CDC42SE2: variants seen among roughly 807,000 people sequenced by gnomAD.
CDC42SE2 encodes the protein CDC42 small effector 2, also known as CDC42 small effector protein 2.
In CDC42SE2, 3 loss-of-function variants were observed where a neutral mutation model predicts 11.5. The ratio of observed to expected loss-of-function variants is 0.26; its 90% CI spans 0.12 to 0.67. CDC42SE2 has a LOEUF of 0.67. Among genes scored for constraint, CDC42SE2 ranks in the 30% least tolerant of loss-of-function variants. The pLI, the probability that CDC42SE2 is intolerant of heterozygous loss-of-function variation, is 0.80. For synonymous variants in CDC42SE2, 33 were observed against 34.8 expected, an observed-to-expected ratio of 0.95 and a Z score of 0.18; for missense variants, 82 against 106.8, an observed-to-expected ratio of 0.77 and a Z score of 1.02.
At chr5:131,269,584 T>C (rs1004978501) in intron 1 of CDC42SE2, among the ~76,000 whole-genome samples, 1 of 150,944 alleles carries the variant, frequency 6.6e-6, no homozygotes, top group African/African-American at 2.4e-5. Context: ...GCCTGGCCTA[T>C]GAAACCTTGT....
chr5:131,371,004 A>G (rs770766614), intron 3 of CDC42SE2, among the ~76,000 whole-genome samples: 8 of 152,214 alleles, frequency 5.3e-5, no homozygotes, highest in Non-Finnish European at 1.2e-4. Context: ...TAGTAGGGTG[A>G]GACTAGGTAG....
At chr5:131,235,605 G>GT in the CDC42SE2 span, among the ~76,000 whole-genome samples, 67 of 142,816 alleles carry the variant, frequency 4.7e-4, no homozygotes, top group African/African-American at 1.6e-3. Flanking sequence ...GTTTGTTTTT[G>GT]TTTTTTTTAG....
At chr5:131,339,836 T>A (rs1337993850) in intron 2 of CDC42SE2, among the ~76,000 whole-genome samples, 1 of 150,968 alleles carries the variant, frequency 6.6e-6, no homozygotes, top group Admixed American at 6.6e-5. Flanking sequence ...GAGAGAAAAT[T>A]ATGATCATTG....
chr5:131,382,683 C>T (rs553179705), intron 3 of CDC42SE2, among the ~76,000 whole-genome samples: 3 of 152,158 alleles, frequency 2.0e-5, no homozygotes, highest in South Asian at 2.1e-4. Context: ...TTACTGCAAA[C>T]GCCTGGGGAA....
At chr5:131,384,025 T>A (rs1443950344) in intron 3 of CDC42SE2, among the ~76,000 whole-genome samples, 2 of 152,206 alleles carry the variant, frequency 1.3e-5, no homozygotes, top group Non-Finnish European at 2.9e-5. Context: ...GGAGCAATTA[T>A]CAAGGAACTA....
intron 1 of CDC42SE2, among the ~76,000 whole-genome samples, chr5:131,283,476 G>A (rs1215986885): frequency 6.6e-6 from 1 of 151,772 alleles, no homozygotes; most frequent in African/African-American, 2.4e-5. Context: ...TATTCATATA[G>A]CATGTATCAG....
At chr5:131,322,247 A>G (rs1042574142) in intron 2 of CDC42SE2, among the ~76,000 whole-genome samples, 1 of 152,178 alleles carries the variant, frequency 6.6e-6, no homozygotes, top group Non-Finnish European at 1.5e-5. Flanking sequence ...GTATGTTCAC[A>G]TTGCTGTGCA....
At chr5:131,309,373 T>A (rs1757849646) in intron 1 of CDC42SE2, among the ~76,000 whole-genome samples, 1 of 152,172 alleles carries the variant, frequency 6.6e-6, no homozygotes, top group Non-Finnish European at 1.5e-5. Flanking sequence ...GATTTTTGCA[T>A]CAATATTCAT....
At chr5:131,302,873 A>G (rs1757712333) in intron 1 of CDC42SE2, among the ~76,000 whole-genome samples, 2 of 151,490 alleles carry the variant, frequency 1.3e-5, no homozygotes, top group African/African-American at 4.9e-5. Flanking sequence ...GCAATTAGAA[A>G]TAGCTTCTTT....
At chr5:131,320,076 A>AAAAAAAAAAAAAAAAAAAAAAAAAAAC in intron 2 of CDC42SE2, among the ~76,000 whole-genome samples, 1 of 147,962 alleles carries the variant, frequency 6.8e-6, no homozygotes. Context: ...AAAAAAAAAA[A>AAAAAAAAAAAAAAAAAAAAAAAAAAAC]AAAAAGAACA....
At chr5:131,229,037 T>C in the CDC42SE2 span, among the ~76,000 whole-genome samples, 1 of 152,206 alleles carries the variant, frequency 6.6e-6, no homozygotes, top group Non-Finnish European at 1.5e-5. Flanking sequence ...CTTTCAGAAG[T>C]ATATCCTGAA....
chr5:131,334,934 T>A (rs1250918559), intron 2 of CDC42SE2, among the ~76,000 whole-genome samples: 1 of 152,152 alleles, frequency 6.6e-6, no homozygotes, highest in Non-Finnish European at 1.5e-5. Flanking sequence ...GATTCATTGA[T>A]TTTTTGAAGG....
intron 2 of CDC42SE2, among the ~76,000 whole-genome samples, chr5:131,318,065 C>G (rs576816542): frequency 2.6e-5 from 4 of 152,178 alleles, no homozygotes; most frequent in East Asian, 3.9e-4. Flanking sequence ...CTCAGCCTCC[C>G]AAGTAGCTGG....
chr5:131,247,578 C>A (rs905171427), intron 1 of CDC42SE2, among the ~76,000 whole-genome samples: 2 of 151,948 alleles, frequency 1.3e-5, no homozygotes, highest in African/African-American at 4.8e-5. Context: ...GAGAATGCAC[C>A]ACCGCACTCC....
the CDC42SE2 span, among the ~76,000 whole-genome samples, chr5:131,213,689 G>A: frequency 6.6e-6 from 1 of 152,108 alleles, no homozygotes; most frequent in Admixed American, 6.6e-5. Flanking sequence ...GACCTCAAGT[G>A]ATTCTCCCAC....
At chr5:131,352,564 A>T (rs745352546) in intron 2 of CDC42SE2, among the ~76,000 whole-genome samples, 3 of 152,202 alleles carry the variant, frequency 2.0e-5, no homozygotes, top group Non-Finnish European at 4.4e-5. Flanking sequence ...TCCCTACCTC[A>T]GTCTTTTATA....
Position 131,268,054 on chromosome 5 carries a change from CTTTTTTTTTTTT to C in CDC42SE2, c.-455+3904_-455+3915del, listed in dbSNP as rs148354795. ...AGAGAAGTACATGTACATGCTTATT[CTTTTTTTTTTTT>C]TTTTTTTTTTTTTTTGAGACGGAGT... On this transcript the variant is annotated intron_variant, in intron 1 of 4. Transcript: ENST00000505065. Among the ~76,000 whole-genome samples, 15 of 65,448 alleles carry C rather than the reference CTTTTTTTTTTTT, an allele frequency of 2.3e-4. No homozygotes were observed. In the East Asian group the frequency reaches 4.4e-3, roughly 19 times the overall value. The allele number at this position is 65,448 out of a possible 152,430, so 42.9% of individuals were successfully genotyped here.
chr5:131,382,140 T>C lies in CDC42SE2; in HGVS notation c.55-3403T>C, dbSNP rs1269877398. Among the ~76,000 whole-genome samples, 7 of 152,250 alleles carry C rather than the reference T, an allele frequency of 4.6e-5. No individual in the cohort carries two copies. The East Asian group carries it at 1.2e-3, about 25-fold the overall frequency. ...ACTCACTATTATTTTCACATTCATA[T>C]ATATTAGTTATCTAATAACACAGTA... is the stretch of plus-strand genomic sequence containing the variant. On this transcript the variant is annotated intron_variant, in intron 3 of 4. Transcript: ENST00000505065.
chr5:131,269,791 T>TGGCTCAC (rs930271969), intron 1 of CDC42SE2, among the ~76,000 whole-genome samples: 1 of 151,952 alleles, frequency 6.6e-6, no homozygotes, highest in African/African-American at 2.4e-5. Flanking sequence ...CAGGGTGCCC[T>TGGCTCAC]GGCTCACGCC....
Sources: allele counts gnomAD v4.1 joint callset (sites outside exome capture counted in the v4.1 genomes callset), GRCh38; gene constraint gnomAD v4.1.1; transcripts MANE v1.5; gene names NCBI Gene and HGNC (gene_info 2026-07-23, HGNC 2026-07-21).